Variants in FER observed in about 807,000 individuals in gnomAD.
FER encodes the protein FER tyrosine kinase.
A neutral mutation model predicts 111.0 loss-of-function variants in FER; 63 were observed. The ratio of observed to expected loss-of-function variants is 0.57; its 90% CI spans 0.46 to 0.70. The LOEUF (loss-of-function observed/expected upper bound fraction) is 0.70. Ranked by LOEUF, FER falls within the 30% of genes least tolerant of loss-of-function variation. The probability of loss-of-function intolerance (pLI) is 0.00; values close to 1 mark genes in which losing one functional copy is unlikely to be tolerated. For missense variants in FER, 914 were observed against 954.0 expected (o/e 0.96, Z 0.55); for synonymous variants, 327 against 313.9 (o/e 1.04, Z -0.44).
At position 108,839,572 on chromosome 5, in the gene FER, C is replaced by CTTTT. The variant is rs1232820003; in HGVS notation, c.481+3785_481+3788dup. On this transcript the variant is annotated intron_variant, in intron 5 of 19. Transcript: ENST00000281092. The stretch of plus-strand genomic sequence containing the variant: ...TCCTACCCCAACCCCATGCCATTTT[C>CTTTT]TTTTTTTTTTTTTTTTTTTTTTTGA... Among the ~76,000 whole-genome samples, 166 of 94,730 alleles carry CTTTT rather than the reference C, an allele frequency of 1.8e-3. 2 individuals are homozygous for CTTTT. The highest frequency in any genetic ancestry group is 2.6e-3 in the Non-Finnish European group (127 of 49,376). 62.1% of individuals were successfully genotyped at this position (94,730 alleles called of 152,430 possible). A position where few individuals can be genotyped will look rare whatever the true frequency, so the allele number is the denominator to read the frequency against.
At chr5:109,178,115 C>G (rs1007618869) in intron 17 of FER, among the ~76,000 whole-genome samples, 6 of 152,204 alleles carry the variant, frequency 3.9e-5, no homozygotes, top group African/African-American at 1.4e-4. Flanking sequence ...GACACCATAT[C>G]CTTTTTTCTG....
intron 16 of FER, among the ~76,000 whole-genome samples, chr5:109,086,436 C>A (rs545809829): frequency 6.6e-6 from 1 of 151,570 alleles, no homozygotes; most frequent in African/African-American, 2.4e-5. Context: ...GTGGGAATGG[C>A]GGAGAACAGT....
chr5:108,862,287 A>G (rs1197202815), intron 5 of FER, among the ~76,000 whole-genome samples: 1 of 152,172 alleles, frequency 6.6e-6, no homozygotes, highest in African/African-American at 2.4e-5. Flanking sequence ...ATAAAGAAAA[A>G]GGTATCTGGG....
At chr5:109,046,728 C>T (rs930536934) in intron 15 of FER, among the ~76,000 whole-genome samples, 1 of 151,866 alleles carries the variant, frequency 6.6e-6, no homozygotes, top group Non-Finnish European at 1.5e-5. Context: ...CTTATTATTC[C>T]CTAAACAATA....
At chr5:108,980,762 T>C (rs866534984) in intron 13 of FER, among the ~76,000 whole-genome samples, 1 of 152,168 alleles carries the variant, frequency 6.6e-6, no homozygotes, top group African/African-American at 2.4e-5. Context: ...CTGATTGTCA[T>C]AGTCCATGAG....
chr5:109,037,560 TTTTCTTA>T lies in FER; in HGVS notation c.1713+84_1713+90del, dbSNP rs1770574665. The T allele has an allele frequency of 1.5e-5, 16 of 1,089,380 alleles. No individual in the cohort carries two copies. The South Asian group carries it at 2.1e-4, about 14-fold the overall frequency. 67.5% of individuals were successfully genotyped at this position (1,089,380 alleles called of 1,614,324 possible). ...CAGATTTTTTCATTTTCCTCAAAGC[TTTTCTTA>T]TATTGCCACAAGGCACATTACACAT... On this transcript the variant is annotated intron_variant, in intron 14 of 19. Coordinates refer to ENST00000281092, the MANE Select transcript of FER (RefSeq NM_005246.4).
intron 4 of FER, among the ~76,000 whole-genome samples, chr5:108,834,197 T>C (rs546392597): frequency 6.6e-6 from 1 of 152,342 alleles, no homozygotes; most frequent in African/African-American, 2.4e-5. Flanking sequence ...CACATATTCC[T>C]TCATCTTTAA....
chr5:109,152,989 A>G (rs778852060), intron 17 of FER, among the ~76,000 whole-genome samples: 2 of 151,922 alleles, frequency 1.3e-5, no homozygotes, highest in African/African-American at 2.4e-5. Context: ...AGTATCAAAA[A>G]AGAGTATGGA....
In FER at chr5:108,832,475, C is replaced by G. The variant is rs539181514; in HGVS notation, c.208-295C>G. ...AGCAGTATTTCAGTGTGCTGGAAAA[C>G]AAATGAGAAGTGAACAAATGAAGAC... On this transcript the variant is annotated intron_variant, in intron 3 of 19. Transcript: ENST00000281092. Among the ~76,000 whole-genome samples, 53 of 152,190 alleles carry G rather than the reference C, an allele frequency of 3.5e-4. 2 individuals are homozygous for G. Among genetic ancestry groups the G allele is most frequent in the African/African-American group, 1.1e-3 (46 of 41,532 alleles).
intron 5 of FER, among the ~76,000 whole-genome samples, chr5:108,859,544 T>A (rs1222767290): frequency 6.6e-6 from 1 of 152,210 alleles, no homozygotes; most frequent in Non-Finnish European, 1.5e-5. Flanking sequence ...TTTTGTTCTT[T>A]ATTATATTTT....
intron 16 of FER, among the ~76,000 whole-genome samples, chr5:109,092,043 G>A (rs1200271841): frequency 1.3e-5 from 2 of 151,784 alleles, no homozygotes; most frequent in Non-Finnish European, 1.5e-5. Context: ...CAGAGGACAC[G>A]GCTTTCAAGG....
chr5:108,774,042 C>A (rs1753213297), intron 2 of FER, among the ~76,000 whole-genome samples: 1 of 151,302 alleles, frequency 6.6e-6, no homozygotes, highest in Non-Finnish European at 1.5e-5. Flanking sequence ...CCTGTAAGTT[C>A]CCTCCCCTCA....
chr5:108,860,972 T>TG (rs1183000567), intron 5 of FER, among the ~76,000 whole-genome samples: 1 of 152,140 alleles, frequency 6.6e-6, no homozygotes, highest in Non-Finnish European at 1.5e-5. Flanking sequence ...AAGAACAGCA[T>TG]GGGGGTAAAA....
At chr5:109,141,861 G>A (rs921326348) in intron 17 of FER, among the ~76,000 whole-genome samples, 15 of 152,088 alleles carry the variant, frequency 9.9e-5, no homozygotes, top group African/African-American at 2.9e-4. Context: ...AATTCTATTT[G>A]CTATGCCAAT....
intron 13 of FER, among the ~76,000 whole-genome samples, chr5:109,000,725 T>A (rs1764654699): frequency 2.0e-5 from 3 of 151,888 alleles, no homozygotes; most frequent in Non-Finnish European, 4.4e-5. Context: ...GCCGGTTTTT[T>A]TAAAAGATCA....
At chr5:108,809,900 C>T (rs1418986226) in intron 3 of FER, among the ~76,000 whole-genome samples, 1 of 152,134 alleles carries the variant, frequency 6.6e-6, no homozygotes, top group Non-Finnish European at 1.5e-5. Flanking sequence ...TCTGAGTTTC[C>T]AGTTTGGTTA....
At chr5:108,794,070 C>T (rs1026336032) in intron 2 of FER, among the ~76,000 whole-genome samples, 2 of 152,118 alleles carry the variant, frequency 1.3e-5, no homozygotes, top group African/African-American at 4.8e-5. Context: ...ACCACAATTA[C>T]ACATTATTAT....
chr5:108,774,917 T>G (rs2149978809), intron 2 of FER, among the ~76,000 whole-genome samples: 1 of 152,342 alleles, frequency 6.6e-6, no homozygotes, highest in Non-Finnish European at 1.5e-5. Flanking sequence ...TGTGTCAATT[T>G]TGGCTTTTGT....
intron 5 of FER, among the ~76,000 whole-genome samples, chr5:108,844,581 A>G (rs1017899984): frequency 2.0e-5 from 3 of 152,160 alleles, no homozygotes; most frequent in African/African-American, 7.2e-5. Context: ...TATTACTACA[A>G]TCAAGATAAT....
Sources: allele counts gnomAD v4.1 joint callset (sites outside exome capture counted in the v4.1 genomes callset), GRCh38; gene constraint gnomAD v4.1.1; transcripts MANE v1.5; gene names NCBI Gene and HGNC (gene_info 2026-07-23, HGNC 2026-07-21).